RTL4: variants seen among roughly 807,000 people sequenced by gnomAD.
RTL4 encodes the protein retrotransposon Gag like 4.
A neutral mutation model predicts 5.3 loss-of-function variants in RTL4; 4 were observed. The ratio of observed to expected loss-of-function variants is 0.75; its 90% CI spans 0.37 to 1.72. The LOEUF (loss-of-function observed/expected upper bound fraction) is 1.72. Among genes scored for constraint, RTL4 ranks in the 40% most tolerant of loss-of-function variants. The pLI is 0.04. For synonymous variants in RTL4, 98 were observed against 87.3 expected, an observed-to-expected ratio of 1.12 and a Z score of -0.68; for missense variants, 260 against 227.1, an observed-to-expected ratio of 1.14 and a Z score of -0.93.
the RTL4 span, among the ~76,000 whole-genome samples, chrX:112,206,837 T>C: frequency 8.9e-6 from 1 of 111,871 alleles, no homozygotes; most frequent in East Asian, 2.8e-4. Context: ...ACTCCTCCCA[T>C]TGGCCTTGGT....
At chrX:112,336,286 A>G in the RTL4 span, among the ~76,000 whole-genome samples, 6 of 111,809 alleles carry the variant, frequency 5.4e-5, no homozygotes, top group Admixed American at 4.8e-4. Context: ...TTTTGTTTAC[A>G]AGAGCTGTCT....
At chrX:112,327,157 A>T in the RTL4 span, among the ~76,000 whole-genome samples, 1 of 112,479 alleles carries the variant, frequency 8.9e-6, no homozygotes, top group South Asian at 3.7e-4. Flanking sequence ...CTGGACGGAG[A>T]ATGACTTTGA....
At chrX:112,296,450 G>A in the RTL4 span, among the ~76,000 whole-genome samples, 1 of 110,952 alleles carries the variant, frequency 9.0e-6, no homozygotes, top group African/African-American at 3.3e-5. Context: ...AATTCATAGA[G>A]ATACTGTGAC....
chrX:112,390,134 T>TATATATATATATATATA, the RTL4 span, among the ~76,000 whole-genome samples: 1 of 38,579 alleles, frequency 2.6e-5, no homozygotes. Flanking sequence ...TATATATATA[T>TATATATATATATATATA]ATATATATAT....
chrX:112,156,771 A>G, the RTL4 span, among the ~76,000 whole-genome samples: 1 of 111,540 alleles, frequency 9.0e-6, no homozygotes. Context: ...AAGCAGACAC[A>G]GCCTAGCGAC....
At chrX:112,349,402 A>C in the RTL4 span, among the ~76,000 whole-genome samples, 4 of 111,153 alleles carry the variant, frequency 3.6e-5, no homozygotes, top group Non-Finnish European at 7.6e-5. Flanking sequence ...AATCAAGAAG[A>C]GGTTTTGGTA....
chrX:112,449,433 C>T, the RTL4 span, among the ~76,000 whole-genome samples: 2 of 88,765 alleles, frequency 2.3e-5, no homozygotes, highest in African/African-American at 1.0e-4. Context: ...CAAATATTTT[C>T]TACTTTCAAA....
the RTL4 span, among the ~76,000 whole-genome samples, chrX:112,209,017 C>T: frequency 8.9e-6 from 1 of 112,388 alleles, no homozygotes. Flanking sequence ...TAACCTCCAT[C>T]CCTGCCACCG....
chrX:112,455,156 A>G, exon 1 of RTL4: 1 of 1,211,932 alleles, frequency 8.3e-7, no homozygotes, highest in South Asian at 1.8e-5. Flanking sequence ...ACAAAACAGG[A>G]AATCAATCCT....
chrX:112,248,272 C>T, the RTL4 span, among the ~76,000 whole-genome samples: 1 of 112,011 alleles, frequency 8.9e-6, no homozygotes, highest in South Asian at 3.7e-4. Flanking sequence ...GTGAAAAGAG[C>T]ATTTTAAAAT....
chrX:112,124,197 T>C, the RTL4 span, among the ~76,000 whole-genome samples: 1 of 111,747 alleles, frequency 8.9e-6, no homozygotes, highest in East Asian at 2.8e-4. Context: ...TGTGGAGAAA[T>C]AGGAACACTT....
the RTL4 span, among the ~76,000 whole-genome samples, chrX:112,364,059 G>A: frequency 8.9e-6 from 1 of 112,322 alleles, no homozygotes; most frequent in Non-Finnish European, 1.9e-5. Context: ...ATGTCATAGG[G>A]AGTCACTTAG....
At chrX:112,307,268 T>C in the RTL4 span, among the ~76,000 whole-genome samples, 41 of 111,185 alleles carry the variant, frequency 3.7e-4, no homozygotes, top group African/African-American at 1.3e-3. Context: ...AGAACTCTTA[T>C]TGTGCCTACT....
the RTL4 span, among the ~76,000 whole-genome samples, chrX:112,113,472 C>T: frequency 9.0e-6 from 1 of 111,472 alleles, no homozygotes; most frequent in Non-Finnish European, 1.9e-5. Flanking sequence ...TGGATGGTAA[C>T]GGACTTTGAG....
At chrX:112,245,658 G>A in the RTL4 span, among the ~76,000 whole-genome samples, 108 of 100,375 alleles carry the variant, frequency 1.1e-3, no homozygotes, top group Non-Finnish European at 1.6e-3. Context: ...CTTTAGCTCA[G>A]AGTAGTTTGT....
the RTL4 span, among the ~76,000 whole-genome samples, chrX:112,417,907 G>T: frequency 1.5e-4 from 17 of 111,826 alleles, no homozygotes; most frequent in African/African-American, 4.9e-4. Flanking sequence ...CAGCACTTTA[G>T]GAGGCCAAGG....
chrX:112,311,816 C>A, the RTL4 span, among the ~76,000 whole-genome samples: 4 of 110,903 alleles, frequency 3.6e-5, no homozygotes, highest in Non-Finnish European at 7.5e-5. Context: ...CTTTTATCCC[C>A]TTTCTTTACT....
chrX:112,412,847 G>A, the RTL4 span, among the ~76,000 whole-genome samples: 4 of 110,848 alleles, frequency 3.6e-5, no homozygotes, highest in East Asian at 2.8e-4. Context: ...AAGCAAAGAC[G>A]GTTAAATGGT....
chrX:112,421,673 G>A, the RTL4 span, among the ~76,000 whole-genome samples: 3 of 112,132 alleles, frequency 2.7e-5, no homozygotes, highest in African/African-American at 9.7e-5. Flanking sequence ...GCTGATATGA[G>A]TGAGGCCAGG....
Sources: gnomAD v4.1 joint callset for allele counts (sites outside exome capture counted in the v4.1 genomes callset) on GRCh38, gnomAD v4.1.1 for gene constraint, MANE v1.5 for transcripts, NCBI Gene and HGNC (gene_info 2026-07-23, HGNC 2026-07-21) for gene names.